The following ATXN10 variants were observed in gnomAD, a reference collection of about 807,000 sequenced individuals.
The protein encoded by ATXN10 is ataxin 10.
ATXN10 carries 28 observed loss-of-function variants against 52.9 expected under a neutral mutation model. That is an observed-to-expected ratio of 0.53 (90% CI 0.39 to 0.73). The LOEUF (loss-of-function observed/expected upper bound fraction) is 0.73. Among genes scored for constraint, ATXN10 ranks in the 30% least tolerant of loss-of-function variants. The pLI is 0.00. For synonymous variants in ATXN10, 226 were observed against 221.5 expected (o/e 1.02, Z -0.18); for missense variants, 565 against 577.0 (o/e 0.98, Z 0.21).
intron 9 of ATXN10, among the ~76,000 whole-genome samples, chr22:45,788,981 C>A (rs1389810751): frequency 6.6e-6 from 1 of 152,094 alleles, no homozygotes; most frequent in African/African-American, 2.4e-5. Context: ...TGTGCCAGGA[C>A]CGTCACCCCC....
chr22:45,740,564 A>G, intron 9 of ATXN10, 26 bp downstream of exon 9: 1 of 1,604,302 alleles, frequency 6.2e-7, no homozygotes, highest in Non-Finnish European at 8.5e-7. Context: ...AGTATGTATT[A>G]TACATGTATG....
intron 9 of ATXN10, among the ~76,000 whole-genome samples, chr22:45,741,865 G>A (rs1175686114): frequency 6.6e-6 from 1 of 152,118 alleles, no homozygotes; most frequent in Non-Finnish European, 1.5e-5. Context: ...TTGGAAGAAG[G>A]GAATGACACA....
Position 45,843,232 on chromosome 22 carries a change from C to T in ATXN10, c.1425+54C>T. The T allele has an allele frequency of 1.3e-6, 2 of 1,573,040 alleles. No individual in the cohort carries two copies. Among genetic ancestry groups the T allele is most frequent in the Non-Finnish European group, 8.7e-7 (1 of 1,143,836 alleles). On this transcript the variant is annotated intron_variant, in intron 11 of 11. Transcript: ENST00000252934. The surrounding 1 kb of genome is among the most constrained non-coding windows in gnomAD (Gnocchi z 4.5). Reference sequence around the variant, plus strand: ...CCTTTGGTTTGTAGAAAGCTGTTTCCACTTCCCCATTGCTTCAAGCACGAG... The same window carrying T: ...CCTTTGGTTTGTAGAAAGCTGTTTCTACTTCCCCATTGCTTCAAGCACGAG...
At chr22:45,724,242 A>T (rs1026081968) in intron 6 of ATXN10, among the ~76,000 whole-genome samples, 1 of 152,160 alleles carries the variant, frequency 6.6e-6, no homozygotes, top group East Asian at 1.9e-4. Flanking sequence ...AGAAGTCCCC[A>T]TACTATTTTC....
At chr22:45,765,062 A>C (rs1055458718) in intron 9 of ATXN10, among the ~76,000 whole-genome samples, 1 of 152,198 alleles carries the variant, frequency 6.6e-6, no homozygotes, top group Non-Finnish European at 1.5e-5. Flanking sequence ...CCCTTTCAGG[A>C]TTTCTGGTGA....
At position 45,780,681 on chromosome 22, in the gene ATXN10, A is replaced by C. The variant is rs73889612; in HGVS notation, c.1174-26278A>C. Among the ~76,000 whole-genome samples the C allele has an allele frequency of 0.018, 2,754 of 152,290 alleles. 102 individuals are homozygous for C. Among genetic ancestry groups the C allele is most frequent in the African/African-American group, 0.063 (2,638 of 41,554 alleles). ...AACTGCCTTTATTTTTGTTTGCACAAATATATCCTAATCTTCTGAAATTTA... is the reference window on the plus strand; with the variant it reads ...AACTGCCTTTATTTTTGTTTGCACACATATATCCTAATCTTCTGAAATTTA... On this transcript the variant is annotated intron_variant, in intron 9 of 11. Transcript: ENST00000252934. The surrounding 1 kb of genome is among the most constrained non-coding windows in gnomAD (Gnocchi z 4.0).
chr22:45,749,596 C>T (rs569918877), intron 9 of ATXN10, among the ~76,000 whole-genome samples: 1 of 151,840 alleles, frequency 6.6e-6, no homozygotes, highest in Non-Finnish European at 1.5e-5. Flanking sequence ...GGGTCTTGCT[C>T]TGTTGCTCAG....
intron 9 of ATXN10, among the ~76,000 whole-genome samples, chr22:45,761,948 T>G (rs138201): frequency 0.87 from 133,191 of 152,234 alleles, 58,572 homozygotes; most frequent in African/African-American, 0.96. Context: ...GATGAAGTAG[T>G]TGTGGTCTTA....
Position 45,787,871 on chromosome 22 carries a change from C to G in ATXN10, c.1174-19088C>G, listed in dbSNP as rs1342301954. 6.6e-6 allele frequency among the ~76,000 whole-genome samples: 1 copy of G among 152,156 alleles called. No homozygotes were observed. Among genetic ancestry groups the G allele is most frequent in the Non-Finnish European group, 1.5e-5 (1 of 68,008 alleles). ...TTGTGCAATTTCAGTTACTGATGATCTTTTTCCAGGAACAAAAATATTCAT... is the reference window on the plus strand; with the variant it reads ...TTGTGCAATTTCAGTTACTGATGATGTTTTTCCAGGAACAAAAATATTCAT... On this transcript the variant is annotated intron_variant, in intron 9 of 11. Coordinates refer to ENST00000252934, the MANE Select transcript of ATXN10 (RefSeq NM_013236.4). The surrounding 1 kb of genome is among the most constrained non-coding windows in gnomAD (Gnocchi z 4.2).
Position 45,671,879 on chromosome 22 carries a change from G to C in ATXN10, c.-185G>C. The C allele has an allele frequency of 1.6e-6, 1 of 621,794 alleles. No individual in the cohort carries two copies. The highest frequency in any genetic ancestry group is 2.7e-6 in the Non-Finnish European group (1 of 376,656). 38.5% of individuals were successfully genotyped at this position (621,794 alleles called of 1,614,324 possible). A position where few individuals can be genotyped will look rare whatever the true frequency, so the allele number is the denominator to read the frequency against. Reference sequence around the variant, plus strand: ...GAGGCGAGTCTGGGCTCAGCCTAGAGCTCTCCGGCGGCGGCGCAGCTTCAG... The same window carrying C: ...GAGGCGAGTCTGGGCTCAGCCTAGACCTCTCCGGCGGCGGCGCAGCTTCAG... On this transcript the variant is annotated 5_prime_UTR_variant, in exon 1 of 12. Coordinates refer to ENST00000252934, the MANE Select transcript of ATXN10 (RefSeq NM_013236.4).
At chr22:45,740,340 G>A (rs1412942287) in intron 8 of ATXN10, 29 bp from the exon 9 acceptor site, 2 of 1,613,084 alleles carry the variant, frequency 1.2e-6, no homozygotes, top group Admixed American at 1.7e-5. Flanking sequence ...CTTTTCTGTG[G>A]AAAATGAAGT....
chr22:45,703,947 A>G (rs2146756211), intron 5 of ATXN10: 1 of 152,230 alleles, frequency 6.6e-6, no homozygotes, highest in South Asian at 2.1e-4. Context: ...CAGGAGGATC[A>G]CAAGCTATTC....
chr22:45,693,482 A>AGGCAGAAGGCATAAACAAGCTCTCTG (rs1470931786), intron 3 of ATXN10, among the ~76,000 whole-genome samples: 1 of 152,128 alleles, frequency 6.6e-6, no homozygotes, highest in Non-Finnish European at 1.5e-5. Context: ...GGAAGGTGGA[A>AGGCAGAAGGCATAAACAAGCTCTCTG]GGCAGAAGGC....
rs1327226995 is a variant in ATXN10, at chr22:45,690,436, G to C, written c.308+533G>C. Among the ~76,000 whole-genome samples the C allele has an allele frequency of 2.0e-5, 3 of 152,110 alleles. No homozygotes were observed. Among genetic ancestry groups the C allele is most frequent in the African/African-American group, 7.2e-5 (3 of 41,400 alleles). ...TAATGGAGTGTGTTTAACATTAGGG[G>C]TTAGATTTCTTGTTTGTTTTTATCA... On this transcript the variant is annotated intron_variant, in intron 2 of 11. Transcript: ENST00000252934. The surrounding 1 kb of genome is among the most constrained non-coding windows in gnomAD (Gnocchi z 4.5).
Position 45,728,604 on chromosome 22 carries a change from C to G in ATXN10, c.729-821C>G, listed in dbSNP as rs1459836399. Among the ~76,000 whole-genome samples the G allele has an allele frequency of 6.6e-6, 1 of 151,906 alleles. No homozygotes were observed. Reference sequence around the variant, plus strand: ...TAATAAGCAGTTTAGATGTTCGTACCCTGTCTTCTATAGAAATTAGAATTA... The same window carrying G: ...TAATAAGCAGTTTAGATGTTCGTACGCTGTCTTCTATAGAAATTAGAATTA... On this transcript the variant is annotated intron_variant, in intron 6 of 11. Coordinates refer to ENST00000252934, the MANE Select transcript of ATXN10 (RefSeq NM_013236.4). This position sits in a 1 kb window ranked among gnomAD's most constrained non-coding sequence, Gnocchi z 4.3.
In ATXN10 at chr22:45,824,086, C is replaced by T. The variant is rs140921234; in HGVS notation, c.1237+17064C>T. ...TATGCAGTAAGTTCTGGAGCAGGGA[C>T]TTACCTTCCTACCTTCCTTTGCCTT... On this transcript the variant is annotated intron_variant, in intron 10 of 11. Coordinates refer to ENST00000252934, the MANE Select transcript of ATXN10 (RefSeq NM_013236.4). This position sits in a 1 kb window ranked among gnomAD's most constrained non-coding sequence, Gnocchi z 5.2. Among the ~76,000 whole-genome samples the T allele has an allele frequency of 1.3e-5, 2 of 152,242 alleles. No individual in the cohort carries two copies. Among genetic ancestry groups the T allele is most frequent in the African/African-American group, 4.8e-5 (2 of 41,532 alleles).
intron 9 of ATXN10, among the ~76,000 whole-genome samples, chr22:45,749,073 C>T (rs1334385273): frequency 1.3e-5 from 2 of 152,124 alleles, no homozygotes; most frequent in African/African-American, 2.4e-5. Context: ...AATGTAACAG[C>T]GTACTATTGT....
chr22:45,741,381 C>G (rs1350567608), intron 9 of ATXN10, among the ~76,000 whole-genome samples: 1 of 152,160 alleles, frequency 6.6e-6, no homozygotes, highest in Non-Finnish European at 1.5e-5. Flanking sequence ...ACTGGTCTAG[C>G]TGATTCTATT....
intron 9 of ATXN10, chr22:45,740,774 GT>G (rs1266207145): frequency 4.3e-6 from 1 of 233,232 alleles, no homozygotes; most frequent in African/African-American, 2.4e-5. Context: ...ATATGTATAT[GT>G]TAATATATAG....
Sources: gnomAD v4.1 joint callset for allele counts (sites outside exome capture counted in the v4.1 genomes callset) on GRCh38, gnomAD v4.1.1 for gene constraint, Gnocchi (gnomAD v3.1) non-coding constraint, MANE v1.5 for transcripts, NCBI Gene and HGNC (gene_info 2026-07-23, HGNC 2026-07-21) for gene names.